CNGB3: variants seen among roughly 807,000 people sequenced by gnomAD.
CNGB3 encodes cyclic nucleotide-gated channel beta-3.
In CNGB3, 86 loss-of-function variants were observed where a neutral mutation model predicts 92.8. That is an observed-to-expected ratio of 0.93 (90% CI 0.78 to 1.11). The LOEUF (loss-of-function observed/expected upper bound fraction) is 1.11. Among genes scored for constraint, CNGB3 ranks in the 50% least tolerant of loss-of-function variants. The pLI is 0.00. For missense variants in CNGB3, 1,026 were observed against 956.8 expected, an observed-to-expected ratio of 1.07 and a Z score of -0.95; for synonymous variants, 333 against 332.7, an observed-to-expected ratio of 1.00 and a Z score of -0.01.
At chr8:86,633,180 T>G (rs1303007860) in intron 10 of CNGB3, among the ~76,000 whole-genome samples, 4 of 152,198 alleles carry the variant, frequency 2.6e-5, no homozygotes, top group African/African-American at 9.6e-5. Flanking sequence ...GTCAGAATTT[T>G]GTGCAAAGCC....
intron 3 of CNGB3, among the ~76,000 whole-genome samples, chr8:86,710,704 A>G (rs2131658250): frequency 6.6e-6 from 1 of 152,340 alleles, no homozygotes; most frequent in African/African-American, 2.4e-5. Flanking sequence ...CTGTCAGACA[A>G]AAAATACCTA....
chr8:86,600,614 CTT>C (rs559441292), intron 15 of CNGB3, among the ~76,000 whole-genome samples: 8 of 135,422 alleles, frequency 5.9e-5, no homozygotes, highest in Non-Finnish European at 4.8e-5. Context: ...TTTTTTTTTT[CTT>C]TTTTTTTTTT....
At position 86,629,093 on chromosome 8, in the gene CNGB3, A is replaced by G; in HGVS notation, c.1321-15T>C. 6.2e-7 allele frequency: 1 copy of G among 1,613,790 alleles called. No individual in the cohort carries two copies. Among genetic ancestry groups the G allele is most frequent in the Non-Finnish European group, 8.5e-7 (1 of 1,179,728 alleles). On this transcript the variant is annotated splice_polypyrimidine_tract_variant and intron_variant, in intron 11 of 17. Transcript: ENST00000320005. ...ACATCTCTCATCTAAAACCACAAAT[A>G]TGGTCACTCCACGCCCAGCAGAGGA... is the stretch of plus-strand genomic sequence containing the variant.
At chr8:86,588,062 T>C (rs957065929) in intron 15 of CNGB3, among the ~76,000 whole-genome samples, 4 of 139,886 alleles carry the variant, frequency 2.9e-5, no homozygotes. Flanking sequence ...ACATCCCTTG[T>C]AAGTTGGATT....
At chr8:86,627,447 A>G (rs1334571606) in intron 12 of CNGB3, among the ~76,000 whole-genome samples, 8 of 152,102 alleles carry the variant, frequency 5.3e-5, no homozygotes, top group Non-Finnish European at 4.4e-5. Context: ...AGAGGCTTAA[A>G]AGTGTCAGAA....
intron 11 of CNGB3, among the ~76,000 whole-genome samples, chr8:86,631,424 T>C (rs1203243148): frequency 2.0e-5 from 3 of 152,190 alleles, no homozygotes; most frequent in Non-Finnish European, 2.9e-5. Flanking sequence ...TGTTATTATA[T>C]ATGGTTCTTC....
rs558725932 is a variant in CNGB3 at position 86,590,758 on chromosome 8, T to A, written c.1782-11506A>T. ...TTGAGGGTAACCCGACCTTTCTCTC[T>A]GGCTGCCCTTAACATTTTCTCCTTC... On this transcript the variant is annotated intron_variant, in intron 15 of 17. Transcript: ENST00000320005. 2.4e-3 allele frequency among the ~76,000 whole-genome samples: 347 copies of A among 145,124 alleles called. 8 individuals are homozygous for A. In the South Asian group the frequency reaches 0.027, roughly 11 times the overall value.
At chr8:86,607,888 G>A (rs1294592867) in intron 14 of CNGB3, among the ~76,000 whole-genome samples, 1 of 152,188 alleles carries the variant, frequency 6.6e-6, no homozygotes, top group South Asian at 2.1e-4. Context: ...TTGTGAAAAC[G>A]ATAAGCAAAA....
chr8:86,667,866 T>C (rs900534214), intron 5 of CNGB3, among the ~76,000 whole-genome samples, 153 bp downstream of exon 5: 12 of 152,300 alleles, frequency 7.9e-5, no homozygotes, highest in Admixed American at 7.2e-4. Context: ...GATGGGCAAA[T>C]GATCCTTTGC....
At chr8:86,625,949 A>C in intron 13 of CNGB3, 34 bp downstream of exon 13, 1 of 1,508,780 alleles carries the variant, frequency 6.6e-7, no homozygotes, top group South Asian at 1.1e-5. Flanking sequence ...ATAGAGAAAT[A>C]GATACAGAGT....
intron 6 of CNGB3, chr8:86,662,025 C>G: frequency 2.8e-6 from 1 of 361,372 alleles, no homozygotes; most frequent in Non-Finnish European, 5.0e-6. Context: ...ATTCAGGAGA[C>G]TGGCCCAGGT....
At chr8:86,616,428 T>A (rs2362265) in intron 13 of CNGB3, among the ~76,000 whole-genome samples, 91,268 of 152,032 alleles carry the variant, frequency 0.6, 29,579 homozygotes, top group Admixed American at 0.74. Context: ...TTATATTTTA[T>A]AATGTGTTTG....
intron 4 of CNGB3, among the ~76,000 whole-genome samples, chr8:86,670,405 C>T (rs1276013438): frequency 1.3e-5 from 2 of 152,120 alleles, no homozygotes; most frequent in East Asian, 1.9e-4. Flanking sequence ...CTGCATCTGT[C>T]GGAGGATTTC....
chr8:86,735,183 C>A (rs1161018323), intron 2 of CNGB3, among the ~76,000 whole-genome samples: 5 of 102,580 alleles, frequency 4.9e-5, no homozygotes, highest in African/African-American at 2.0e-4. Flanking sequence ...TGCTGTGTTG[C>A]CCAGGCTGGA....
At chr8:86,703,617 T>A (rs1824596355) in intron 3 of CNGB3, among the ~76,000 whole-genome samples, 4 of 152,198 alleles carry the variant, frequency 2.6e-5, no homozygotes, top group African/African-American at 9.7e-5. Flanking sequence ...TCAAGCTTTG[T>A]TGTAACTGAT....
chr8:86,580,658 G>T (rs973099851), intron 15 of CNGB3, among the ~76,000 whole-genome samples: 1 of 152,186 alleles, frequency 6.6e-6, no homozygotes, highest in African/African-American at 2.4e-5. Context: ...AAGCAAAAAA[G>T]AGTGGGGGAA....
chr8:86,642,361 A>G (rs1166407051), intron 10 of CNGB3, among the ~76,000 whole-genome samples: 1 of 151,822 alleles, frequency 6.6e-6, no homozygotes, highest in Non-Finnish European at 1.5e-5. Flanking sequence ...TAAATAATTC[A>G]CATTCTAAAG....
chr8:86,723,513 T>C (rs1210753508), intron 3 of CNGB3, among the ~76,000 whole-genome samples: 1 of 152,182 alleles, frequency 6.6e-6, no homozygotes. Flanking sequence ...TATTTTATCA[T>C]TGATATTTTC....
intron 6 of CNGB3, among the ~76,000 whole-genome samples, chr8:86,655,527 G>A (rs1489492059): frequency 6.6e-6 from 1 of 152,146 alleles, no homozygotes; most frequent in African/African-American, 2.4e-5. Context: ...AAAGGTGCAG[G>A]TAACTCCAAC....
Sources: gnomAD v4.1 joint callset for allele counts (sites outside exome capture counted in the v4.1 genomes callset) on GRCh38, gnomAD v4.1.1 for gene constraint, MANE v1.5 for transcripts, NCBI Gene and HGNC (gene_info 2026-07-23, HGNC 2026-07-21) for gene names.